Variants in DLGAP2 observed in about 807,000 individuals in gnomAD.
DLGAP2 encodes the protein DLG associated protein 2, also known as disks large-associated protein 2.
In DLGAP2, 26 loss-of-function variants were observed where a neutral mutation model predicts 100.3. That is an observed-to-expected ratio of 0.26 (90% CI 0.19 to 0.36). The LOEUF (loss-of-function observed/expected upper bound fraction) is 0.36, where lower values mean the gene tolerates loss of function less well. DLGAP2 is among the 10% of genes least tolerant of loss of function. The pLI, the probability that DLGAP2 is intolerant of heterozygous loss-of-function variation, is 1.00. For missense variants in DLGAP2, 1,858 were observed against 1,453.2 expected (o/e 1.28, Z -4.53); for synonymous variants, 886 against 630.1 (o/e 1.41, Z -6.08).
intron 1 of DLGAP2, among the ~76,000 whole-genome samples, chr8:750,630 C>T (rs755947877): frequency 4.6e-5 from 7 of 152,296 alleles, no homozygotes; most frequent in South Asian, 4.1e-4. Flanking sequence ...AGATAATTAA[C>T]GGCCGTACAT....
chr8:928,756 G>C (rs893561069), intron 2 of DLGAP2, among the ~76,000 whole-genome samples: 4 of 152,054 alleles, frequency 2.6e-5, no homozygotes, highest in Non-Finnish European at 5.9e-5. Context: ...GATGCAGGAA[G>C]AACCAGAAGA....
At chr8:908,179 T>G (rs1798418307) in intron 2 of DLGAP2, among the ~76,000 whole-genome samples, 1 of 152,246 alleles carries the variant, frequency 6.6e-6, no homozygotes, top group South Asian at 2.1e-4. Flanking sequence ...CTGTTTTTAT[T>G]TGACAGAGGA....
intron 4 of DLGAP2, among the ~76,000 whole-genome samples, chr8:1,526,527 C>A (rs1176959924): frequency 6.6e-6 from 1 of 152,182 alleles, no homozygotes; most frequent in African/African-American, 2.4e-5. Context: ...ACCTGAATTA[C>A]AATCATTTGA....
At chr8:1,276,041 T>G (rs1453034931) in intron 3 of DLGAP2, among the ~76,000 whole-genome samples, 1 of 138,148 alleles carries the variant, frequency 7.2e-6, no homozygotes, top group Non-Finnish European at 1.5e-5. Flanking sequence ...ATATAACGTA[T>G]AAAAATATAT....
intron 3 of DLGAP2, among the ~76,000 whole-genome samples, chr8:1,433,530 C>G (rs774696330): frequency 6.6e-6 from 1 of 152,190 alleles, no homozygotes; most frequent in Non-Finnish European, 1.5e-5. Flanking sequence ...TGAGCCCACC[C>G]GAGTAGGTCC....
intron 1 of DLGAP2, among the ~76,000 whole-genome samples, chr8:792,249 C>T (rs979353053): frequency 6.6e-6 from 1 of 152,142 alleles, no homozygotes; most frequent in Admixed American, 6.6e-5. Context: ...ATTTTAAAAT[C>T]GTGGCATTGT....
chr8:1,692,398 G>A (rs1288230196), intron 13 of DLGAP2, among the ~76,000 whole-genome samples: 2 of 112,456 alleles, frequency 1.8e-5, no homozygotes, highest in Non-Finnish European at 3.6e-5. Context: ...GTTTAAACGC[G>A]GTACCGAGGC....
intron 3 of DLGAP2, among the ~76,000 whole-genome samples, chr8:1,436,803 T>A (rs901286861): frequency 6.6e-6 from 1 of 152,172 alleles, no homozygotes; most frequent in Non-Finnish European, 1.5e-5. Context: ...GCAAGTTCCA[T>A]TCATGGTGAG....
chr8:1,177,566 T>C (rs1262741098), intron 2 of DLGAP2, among the ~76,000 whole-genome samples: 1 of 152,212 alleles, frequency 6.6e-6, no homozygotes, highest in East Asian at 1.9e-4. Context: ...TACTCTTAGA[T>C]GACTTTTATT....
chr8:927,871 A>G (rs1287461352), intron 2 of DLGAP2, among the ~76,000 whole-genome samples: 4 of 152,212 alleles, frequency 2.6e-5, no homozygotes. Context: ...AAACAAACAA[A>G]AAAACCCCAC....
intron 3 of DLGAP2, among the ~76,000 whole-genome samples, chr8:1,287,160 G>GCGCGCA (rs1554434586): frequency 7.7e-6 from 1 of 130,120 alleles, no homozygotes; most frequent in East Asian, 2.3e-4. Flanking sequence ...GTGTGTGTGC[G>GCGCGCA]CGCGCGCGCG....
intron 1 of DLGAP2, among the ~76,000 whole-genome samples, chr8:853,164 T>G (rs898444791): frequency 2.0e-5 from 3 of 152,174 alleles, no homozygotes; most frequent in Non-Finnish European, 2.9e-5. Flanking sequence ...CTGGGAGCAC[T>G]CCCAGGGCTC....
At chr8:775,023 T>C (rs779537417) in intron 1 of DLGAP2, among the ~76,000 whole-genome samples, 9,758 of 151,884 alleles carry the variant, frequency 0.064, 430 homozygotes, top group Non-Finnish European at 0.093. Context: ...CTTTTATTTC[T>C]TTGAGCAGTG....
chr8:1,631,189 C>G (rs1797635810), intron 7 of DLGAP2, among the ~76,000 whole-genome samples: 2 of 152,070 alleles, frequency 1.3e-5, no homozygotes, highest in South Asian at 4.1e-4. Context: ...CACTGAAAGG[C>G]TTGTAGCTGG....
At chr8:761,778 G>A (rs753100943) in intron 1 of DLGAP2, among the ~76,000 whole-genome samples, 1 of 152,184 alleles carries the variant, frequency 6.6e-6, no homozygotes, top group South Asian at 2.1e-4. Context: ...AGAGCCTGAG[G>A]TCGCGCTGTC....
chr8:1,132,085 T>A (rs192948986), intron 2 of DLGAP2, among the ~76,000 whole-genome samples: 2 of 152,320 alleles, frequency 1.3e-5, no homozygotes, highest in Admixed American at 6.5e-5. Context: ...AGTGCTGTGA[T>A]CTCTTAATGA....
chr8:851,533 A>G (rs1326857291), intron 1 of DLGAP2, among the ~76,000 whole-genome samples: 1 of 152,190 alleles, frequency 6.6e-6, no homozygotes. Context: ...TCATTTCAGT[A>G]TAATTTTTTG....
At chr8:824,355 T>A (rs942236284) in intron 1 of DLGAP2, among the ~76,000 whole-genome samples, 48 of 152,124 alleles carry the variant, frequency 3.2e-4, no homozygotes, top group African/African-American at 1.2e-3. Flanking sequence ...GGATTGCAGG[T>A]GTGAGCCCAC....
rs2132557771 is a variant in DLGAP2, at chr8:742,168, T to G, written c.18+4343T>G. ...TTAGTTTCTTCAGACATTTCCACATTAAACCTCTTGTTGCAGGGAAAGGCT... is the reference window on the plus strand; with the variant it reads ...TTAGTTTCTTCAGACATTTCCACATGAAACCTCTTGTTGCAGGGAAAGGCT... On this transcript the variant is annotated intron_variant, in intron 1 of 14. Coordinates refer to ENST00000637795, the MANE Select transcript of DLGAP2 (RefSeq NM_001346810.2). Among the ~76,000 whole-genome samples, 2 of 152,336 alleles carry G rather than the reference T, an allele frequency of 1.3e-5. 1 individual carries two copies. Among genetic ancestry groups the G allele is most frequent in the South Asian group, 4.1e-4 (2 of 4,822 alleles).
Sources: allele counts gnomAD v4.1 joint callset (sites outside exome capture counted in the v4.1 genomes callset), GRCh38; gene constraint gnomAD v4.1.1; transcripts MANE v1.5; gene names NCBI Gene and HGNC (gene_info 2026-07-23, HGNC 2026-07-21).